C2CD3: variants seen among roughly 807,000 people sequenced by gnomAD.
C2CD3 encodes C2 domain-containing protein 3.
C2CD3 carries 148 observed loss-of-function variants against 234.0 expected under a neutral mutation model. The ratio of observed to expected loss-of-function variants is 0.63; its 90% CI spans 0.55 to 0.72. C2CD3 has a LOEUF of 0.72. Among genes scored for constraint, C2CD3 ranks in the 30% least tolerant of loss-of-function variants. C2CD3 has a pLI of 0.00. For synonymous variants in C2CD3, 1,000 were observed against 1,035.4 expected (o/e 0.97, Z 0.66); for missense variants, 2,577 against 2,811.5 (o/e 0.92, Z 1.89).
chr11:74,040,311 G>A (rs1054663716), intron 29 of C2CD3, among the ~76,000 whole-genome samples: 5 of 149,058 alleles, frequency 3.4e-5, no homozygotes, highest in Non-Finnish European at 6.0e-5. Context: ...GAAGAAAAAT[G>A]GTCTTCCACA....
At chr11:74,077,486 G>A (rs115787713) in intron 23 of C2CD3, among the ~76,000 whole-genome samples, 1 of 151,672 alleles carries the variant, frequency 6.6e-6, no homozygotes, top group African/African-American at 2.4e-5. Flanking sequence ...CCTTTGCAGG[G>A]ACATGGATGA....
chr11:74,125,061 G>A (rs1237382397), intron 7 of C2CD3, among the ~76,000 whole-genome samples: 2 of 152,008 alleles, frequency 1.3e-5, no homozygotes, highest in African/African-American at 4.8e-5. Context: ...AGTCAAATAC[G>A]ACTACAAGGC....
chr11:74,123,547 C>G (rs1957294205), intron 7 of C2CD3, among the ~76,000 whole-genome samples: 2 of 152,096 alleles, frequency 1.3e-5, no homozygotes, highest in South Asian at 4.1e-4. Context: ...TTCACAGATA[C>G]ACCCACTTCC....
At chr11:74,076,063 T>C (rs1002200281) in intron 23 of C2CD3, among the ~76,000 whole-genome samples, 12 of 152,226 alleles carry the variant, frequency 7.9e-5, no homozygotes, top group Non-Finnish European at 1.5e-4. Flanking sequence ...TAAACCTACT[T>C]TCTTCAGCAG....
At chr11:74,022,890 C>T (rs1366276134) in intron 32 of C2CD3, among the ~76,000 whole-genome samples, 1 of 152,224 alleles carries the variant, frequency 6.6e-6, no homozygotes, top group Non-Finnish European at 1.5e-5. Context: ...GAGGCGACAG[C>T]CAGAAGTTGA....
intron 31 of C2CD3, 77 bp from the exon 32 acceptor site, chr11:74,028,475 A>G: frequency 1.2e-6 from 1 of 825,764 alleles, no homozygotes; most frequent in Non-Finnish European, 1.9e-6. Context: ...TCCACTGACC[A>G]TTCACTCTGC....
Position 74,077,847 on chromosome 11 carries a change from T to A in C2CD3, c.4603+268A>T, listed in dbSNP as rs1726734. On this transcript the variant is annotated intron_variant, in intron 23 of 32. Coordinates refer to ENST00000334126, the MANE Select transcript of C2CD3 (RefSeq NM_001286577.2). ...TATATATATATATATATATATATAT[T>A]ATCTCTTTAGTTACAAGAAGCACTA... 0.39 allele frequency among the ~76,000 whole-genome samples: 12,761 copies of A among 32,936 alleles called. 3,178 individuals are homozygous for A. Among genetic ancestry groups the A allele is most frequent in the African/African-American group, 0.69 (4,086 of 5,906 alleles). 21.6% of individuals were successfully genotyped at this position (32,936 alleles called of 152,430 possible).
intron 32 of C2CD3, among the ~76,000 whole-genome samples, chr11:74,022,361 A>G (rs1419001989): frequency 1.3e-5 from 2 of 152,186 alleles, no homozygotes; most frequent in African/African-American, 2.4e-5. Context: ...CAGAGGAAGT[A>G]TGCAAAGGAA....
chr11:74,155,108 T>C (rs1331133653), intron 3 of C2CD3, among the ~76,000 whole-genome samples: 1 of 152,152 alleles, frequency 6.6e-6, no homozygotes, highest in African/African-American at 2.4e-5. Flanking sequence ...TCCAAGATAG[T>C]GGAACAAGAG....
chr11:74,136,964 T>TA (rs375515891), intron 5 of C2CD3, among the ~76,000 whole-genome samples: 83 of 144,856 alleles, frequency 5.7e-4, no homozygotes, highest in African/African-American at 1.4e-3. Flanking sequence ...AAATAAAAGT[T>TA]AAAAAAAAAA....
intron 28 of C2CD3, 90 bp downstream of exon 28, chr11:74,048,113 TCC>T: frequency 7.3e-7 from 1 of 1,364,592 alleles, no homozygotes. Context: ...TCTTGTTTTT[TCC>T]TCTAATAAAG....
At chr11:74,034,570 G>A in intron 30 of C2CD3, 1 of 1,613,846 alleles carries the variant, frequency 6.2e-7, no homozygotes, top group South Asian at 1.1e-5. Context: ...TGGGAGTCCT[G>A]GTGGGCATGT....
At chr11:74,022,021 G>A (rs1952107746) in intron 32 of C2CD3, among the ~76,000 whole-genome samples, 1 of 152,152 alleles carries the variant, frequency 6.6e-6, no homozygotes, top group Non-Finnish European at 1.5e-5. Context: ...AGCTACTGGG[G>A]AGGCTGAGGC....
At chr11:74,041,153 A>T (rs981655474) in intron 29 of C2CD3, among the ~76,000 whole-genome samples, 2 of 152,060 alleles carry the variant, frequency 1.3e-5, no homozygotes, top group African/African-American at 4.8e-5. Context: ...TAAATTTTAC[A>T]TACTCTCCTC....
intron 7 of C2CD3, among the ~76,000 whole-genome samples, chr11:74,130,125 G>A (rs1266701218): frequency 7.3e-6 from 1 of 137,512 alleles, no homozygotes; most frequent in African/African-American, 2.9e-5. Context: ...TGGGGAGGGG[G>A]AGAGGGAGAG....
chr11:74,162,794 A>C (rs1856560054), intron 2 of C2CD3, among the ~76,000 whole-genome samples: 1 of 152,202 alleles, frequency 6.6e-6, no homozygotes, highest in Non-Finnish European at 1.5e-5. Context: ...TGACACACAG[A>C]GCAACAAATC....
intron 22 of C2CD3, 37 bp from the exon 23 acceptor site, chr11:74,078,754 T>C (rs1213015288): frequency 1.3e-6 from 2 of 1,531,744 alleles, no homozygotes; most frequent in Non-Finnish European, 1.7e-6. Flanking sequence ...ATTATAGTCT[T>C]AAAAGTAAAC....
chr11:74,156,460 A>C (rs1173283954), intron 3 of C2CD3, among the ~76,000 whole-genome samples: 1 of 112,766 alleles, frequency 8.9e-6, no homozygotes, highest in African/African-American at 5.4e-5. Flanking sequence ...ACCCTATCTC[A>C]AAAAAAAAAA....
intron 23 of C2CD3, among the ~76,000 whole-genome samples, chr11:74,075,373 G>C (rs1419979195): frequency 6.6e-6 from 1 of 151,882 alleles, no homozygotes; most frequent in Non-Finnish European, 1.5e-5. Flanking sequence ...TTTTGGGGGG[G>C]GGTGGGGGGA....
Sources: gnomAD v4.1 joint callset for allele counts (sites outside exome capture counted in the v4.1 genomes callset) on GRCh38, gnomAD v4.1.1 for gene constraint, MANE v1.5 for transcripts, NCBI Gene and HGNC (gene_info 2026-07-23, HGNC 2026-07-21) for gene names.